CALCRL: variants seen among roughly 807,000 people sequenced by gnomAD.
CALCRL encodes calcitonin gene-related peptide type 1 receptor.
CALCRL carries 27 observed loss-of-function variants against 60.4 expected under a neutral mutation model. The ratio of observed to expected loss-of-function variants is 0.45; its 90% CI spans 0.33 to 0.62. The LOEUF (loss-of-function observed/expected upper bound fraction) is 0.62. Ranked by LOEUF, CALCRL falls within the 20% of genes least tolerant of loss-of-function variation. CALCRL has a pLI of 0.03. For synonymous variants in CALCRL, 190 were observed against 182.6 expected, an observed-to-expected ratio of 1.04 and a Z score of -0.33; for missense variants, 424 against 540.7, an observed-to-expected ratio of 0.78 and a Z score of 2.14.
chr2:187,368,485 T>C (rs1306642117), intron 8 of CALCRL, among the ~76,000 whole-genome samples: 1 of 152,108 alleles, frequency 6.6e-6, no homozygotes, highest in African/African-American at 2.4e-5. Context: ...CTAAATTATC[T>C]TCCCAGGAAA....
intron 12 of CALCRL, among the ~76,000 whole-genome samples, chr2:187,358,574 T>C (rs748293712): frequency 4.0e-5 from 6 of 150,912 alleles, no homozygotes; most frequent in Non-Finnish European, 7.4e-5. Flanking sequence ...AGGAGGATGA[T>C]GTCTGTGAAC....
intron 1 of CALCRL, among the ~76,000 whole-genome samples, chr2:187,393,664 AG>A (rs1448411513): frequency 2.6e-5 from 4 of 152,124 alleles, no homozygotes; most frequent in Admixed American, 2.6e-4. Context: ...TTTTTAAAGT[AG>A]ATTGCTTATG....
intron 1 of CALCRL, chr2:187,415,494 T>C (rs1333707677): frequency 9.3e-6 from 3 of 322,262 alleles, no homozygotes; most frequent in Non-Finnish European, 1.2e-5. Context: ...TACTTAATAA[T>C]ATTGAAATGT....
chr2:187,422,680 A>G (rs1366167765), intron 1 of CALCRL, among the ~76,000 whole-genome samples: 1 of 152,014 alleles, frequency 6.6e-6, no homozygotes, highest in East Asian at 1.9e-4. Context: ...AGAAGACATT[A>G]CCTAATCTTG....
intron 8 of CALCRL, among the ~76,000 whole-genome samples, chr2:187,371,254 A>T (rs950247226): frequency 6.6e-6 from 1 of 151,730 alleles, no homozygotes; most frequent in African/African-American, 2.4e-5. Context: ...AAAAAAAAAA[A>T]GTTAAATAAA....
chr2:187,431,492 A>C (rs1390756376), intron 1 of CALCRL: 1 of 154,752 alleles, frequency 6.5e-6, no homozygotes, highest in Non-Finnish European at 1.5e-5. Flanking sequence ...TATATATTTC[A>C]AATGATACTT....
chr2:187,367,031 A>G (rs927201528), intron 8 of CALCRL, among the ~76,000 whole-genome samples: 13 of 152,032 alleles, frequency 8.6e-5, no homozygotes, highest in Admixed American at 3.3e-4. Flanking sequence ...CCCAAACAAT[A>G]TCATTATGGG....
chr2:187,442,913 T>C (rs1690984803), intron 1 of CALCRL, among the ~76,000 whole-genome samples: 1 of 151,918 alleles, frequency 6.6e-6, no homozygotes, highest in South Asian at 2.1e-4. Flanking sequence ...AATAGTATAA[T>C]GAAATATTTA....
chr2:187,394,363 A>C (rs1413000028), intron 1 of CALCRL, among the ~76,000 whole-genome samples: 1 of 152,122 alleles, frequency 6.6e-6, no homozygotes, highest in African/African-American at 2.4e-5. Flanking sequence ...CACTTGAAAC[A>C]AAGAAACAAG....
intron 1 of CALCRL, among the ~76,000 whole-genome samples, chr2:187,443,556 A>C (rs1451264452): frequency 1.3e-5 from 2 of 151,736 alleles, no homozygotes; most frequent in Non-Finnish European, 3.0e-5. Flanking sequence ...AAATAAATGC[A>C]TATTTTTTCT....
intron 12 of CALCRL, among the ~76,000 whole-genome samples, chr2:187,358,608 C>T (rs2105721299): frequency 6.6e-6 from 1 of 151,552 alleles, no homozygotes; most frequent in East Asian, 1.9e-4. Context: ...CTTCCTTGCC[C>T]TGAGACATTT....
chr2:187,342,551 T>A lies in CALCRL; in HGVS notation c.*3633A>T, dbSNP rs553651188. ...AACCTTATTAAACTAGCAATATTTT[T>A]AATCAAGAATATTCTTTCTTTGAGA... On this transcript the variant is annotated 3_prime_UTR_variant, in exon 15 of 15. Transcript: ENST00000392370. Among the ~76,000 whole-genome samples, 6 of 151,714 alleles carry A rather than the reference T, an allele frequency of 4.0e-5. No homozygotes were observed. In the East Asian group the frequency reaches 7.7e-4, roughly 20 times the overall value.
intron 1 of CALCRL, among the ~76,000 whole-genome samples, chr2:187,412,512 CTCTAAT>C (rs1689410968): frequency 6.6e-6 from 1 of 152,138 alleles, no homozygotes; most frequent in South Asian, 2.1e-4. Flanking sequence ...TTCTGTCTCC[CTCTAAT>C]TCTAACTCTT....
intron 1 of CALCRL, among the ~76,000 whole-genome samples, chr2:187,447,781 G>A (rs1056145128): frequency 5.9e-5 from 9 of 152,046 alleles, no homozygotes; most frequent in Non-Finnish European, 8.8e-5. Flanking sequence ...TCAGAAATAT[G>A]TCTTTTAATC....
At chr2:187,440,137 A>G (rs1387437492) in intron 1 of CALCRL, among the ~76,000 whole-genome samples, 11 of 152,224 alleles carry the variant, frequency 7.2e-5, no homozygotes, top group African/African-American at 2.6e-4. Context: ...TTCATTGCAA[A>G]TAGTTTTTAA....
At chr2:187,406,007 A>C (rs893711842) in intron 1 of CALCRL, among the ~76,000 whole-genome samples, 3 of 150,914 alleles carry the variant, frequency 2.0e-5, no homozygotes, top group African/African-American at 7.3e-5. Flanking sequence ...TCACATGTGC[A>C]TATGTTTTAA....
At chr2:187,390,399 G>A (rs896483405) in intron 1 of CALCRL, among the ~76,000 whole-genome samples, 3 of 151,948 alleles carry the variant, frequency 2.0e-5, no homozygotes, top group African/African-American at 4.8e-5. Flanking sequence ...AATGATTTAC[G>A]CATGAGTCAG....
At chr2:187,377,500 A>G (rs1453904756) in intron 8 of CALCRL, among the ~76,000 whole-genome samples, 2 of 152,154 alleles carry the variant, frequency 1.3e-5, no homozygotes, top group East Asian at 3.8e-4. Context: ...AGGAGGAGGT[A>G]GATAATATGA....
At chr2:187,428,099 T>G (rs1690230744) in intron 1 of CALCRL, among the ~76,000 whole-genome samples, 1 of 152,154 alleles carries the variant, frequency 6.6e-6, no homozygotes, top group Non-Finnish European at 1.5e-5. Context: ...ACAAGGACAT[T>G]GCAGGGAAGC....
Sources: gnomAD v4.1 joint callset for allele counts (sites outside exome capture counted in the v4.1 genomes callset) on GRCh38, gnomAD v4.1.1 for gene constraint, MANE v1.5 for transcripts, NCBI Gene and HGNC (gene_info 2026-07-23, HGNC 2026-07-21) for gene names.